The following DLG1 variants were observed in gnomAD, a reference collection of about 807,000 sequenced individuals.
DLG1 encodes the protein discs large MAGUK scaffold protein 1, also known as disks large homolog 1.
In DLG1, 42 loss-of-function variants were observed where a neutral mutation model predicts 123.4. The observed-to-expected ratio is 0.34, with a 90% CI of 0.27 to 0.44. The LOEUF is 0.44. Among genes scored for constraint, DLG1 ranks in the 20% least tolerant of loss-of-function variants. The pLI is 1.00. For synonymous variants in DLG1, 317 were observed against 356.2 expected (o/e 0.89, Z 1.24); for missense variants, 942 against 1,082.6 (o/e 0.87, Z 1.82).
chr3:197,291,459 T>A (rs79335037), intron 3 of DLG1, among the ~76,000 whole-genome samples: 5,612 of 152,252 alleles, frequency 0.037, 166 homozygotes, highest in South Asian at 0.052. Flanking sequence ...TACTAAACAC[T>A]GTTTTCAAAA....
chr3:197,184,265 T>C (rs1042211213), intron 5 of DLG1: 3 of 218,862 alleles, frequency 1.4e-5, no homozygotes, highest in Non-Finnish European at 2.4e-5. Context: ...GATTACCAAG[T>C]TTCAACCACA....
At chr3:197,153,435 A>G (rs1794908854) in intron 5 of DLG1, among the ~76,000 whole-genome samples, 1 of 152,196 alleles carries the variant, frequency 6.6e-6, no homozygotes, top group Non-Finnish European at 1.5e-5. Context: ...CCCACACTCT[A>G]TCCCTCAGTC....
intron 14 of DLG1, among the ~76,000 whole-genome samples, chr3:197,103,445 T>A (rs564419359): frequency 6.6e-6 from 1 of 152,106 alleles, no homozygotes; most frequent in Non-Finnish European, 1.5e-5. Flanking sequence ...TTCCATATAG[T>A]GTACCTACGG....
At chr3:197,158,625 A>C (rs1244310571) in intron 5 of DLG1, among the ~76,000 whole-genome samples, 4 of 98,394 alleles carry the variant, frequency 4.1e-5, no homozygotes, top group Admixed American at 1.3e-4. Context: ...CAAGAGCAAA[A>C]CTCCATTTCA....
intron 1 of DLG1, 117 bp from the exon 2 acceptor site, chr3:197,297,352 C>A: frequency 2.7e-6 from 4 of 1,487,420 alleles, no homozygotes; most frequent in South Asian, 1.3e-5. Flanking sequence ...CAAAGTTTTA[C>A]CAAGTCAAAG....
chr3:197,057,158 T>C (rs1732287543), intron 23 of DLG1, among the ~76,000 whole-genome samples: 1 of 152,068 alleles, frequency 6.6e-6, no homozygotes, highest in Admixed American at 6.6e-5. Flanking sequence ...TCACTACAGC[T>C]TGGACAGAAC....
At chr3:197,210,081 CTTT>C (rs1730543538) in intron 4 of DLG1, among the ~76,000 whole-genome samples, 1 of 146,208 alleles carries the variant, frequency 6.8e-6, no homozygotes, top group Non-Finnish European at 1.5e-5. Context: ...AGTATAATAG[CTTT>C]CAGTGAGTTC....
chr3:197,258,999 G>C (rs1178925789), intron 4 of DLG1, among the ~76,000 whole-genome samples: 1 of 151,974 alleles, frequency 6.6e-6, no homozygotes, highest in Non-Finnish European at 1.5e-5. Context: ...TTTGCTAAAA[G>C]AGTCAATGTA....
chr3:197,141,080 C>A (rs748702543), intron 7 of DLG1, among the ~76,000 whole-genome samples: 1 of 152,314 alleles, frequency 6.6e-6, no homozygotes, highest in East Asian at 1.9e-4. Context: ...AATGTTCTAA[C>A]TGAATTTCAG....
At chr3:197,132,288 A>T in intron 10 of DLG1, among the ~76,000 whole-genome samples, 1 of 101,400 alleles carries the variant, frequency 9.9e-6, no homozygotes. Context: ...CTTCTCTTTG[A>T]TACATTTTTT....
At position 197,259,681 on chromosome 3, in the gene DLG1, T is replaced by TA. The variant is rs1554054448; in HGVS notation, c.318+22997dup. Among the ~76,000 whole-genome samples, 13 of 152,236 alleles carry TA rather than the reference T, an allele frequency of 8.5e-5. No homozygotes were observed. In the South Asian group the frequency reaches 1.4e-3, roughly 17 times the overall value. ...GCTCAAAAATAAAAGAAGCCAAACT[T>TA]AGAGATTAAGTGAAGCATGCTGCAC... On this transcript the variant is annotated intron_variant, in intron 4 of 24. Coordinates refer to ENST00000667157, the MANE Select transcript of DLG1 (RefSeq NM_001366207.1).
At chr3:197,093,917 T>C (rs2149208752) in intron 14 of DLG1, among the ~76,000 whole-genome samples, 1 of 152,270 alleles carries the variant, frequency 6.6e-6, no homozygotes, top group Non-Finnish European at 1.5e-5. Flanking sequence ...TTGGGTCATT[T>C]GTATGCCAAA....
At chr3:197,249,431 T>A (rs1753304879) in intron 4 of DLG1, among the ~76,000 whole-genome samples, 1 of 151,864 alleles carries the variant, frequency 6.6e-6, no homozygotes, top group African/African-American at 2.4e-5. Context: ...AATATTAAAA[T>A]TTTTAAAAAT....
At chr3:197,262,474 G>A (rs1466237683) in intron 4 of DLG1, among the ~76,000 whole-genome samples, 1 of 152,128 alleles carries the variant, frequency 6.6e-6, no homozygotes, top group African/African-American at 2.4e-5. Flanking sequence ...GCATTTCCCT[G>A]AGTTCTGTAA....
At chr3:197,151,939 T>C (rs1794067295) in intron 5 of DLG1, among the ~76,000 whole-genome samples, 1 of 152,180 alleles carries the variant, frequency 6.6e-6, no homozygotes, top group African/African-American at 2.4e-5. Context: ...AGTTCCTCCT[T>C]CTGGAATATC....
chr3:197,240,865 G>A (rs369026885), intron 4 of DLG1, among the ~76,000 whole-genome samples: 1 of 151,646 alleles, frequency 6.6e-6, no homozygotes, highest in Non-Finnish European at 1.5e-5. Context: ...AACACACATA[G>A]GAGAAAAAAG....
intron 6 of DLG1, among the ~76,000 whole-genome samples, chr3:197,145,453 A>T (rs1453719139): frequency 6.6e-6 from 1 of 152,186 alleles, no homozygotes; most frequent in African/African-American, 2.4e-5. Context: ...AAACCTCAAA[A>T]TTTACCAATT....
At chr3:197,164,659 TC>T in intron 5 of DLG1, among the ~76,000 whole-genome samples, 1 of 151,574 alleles carries the variant, frequency 6.6e-6, no homozygotes, top group East Asian at 1.9e-4. Context: ...CCTAGCACTT[TC>T]GGAGGACGCG....
intron 13 of DLG1, among the ~76,000 whole-genome samples, chr3:197,108,654 T>C (rs1463312422): frequency 6.6e-6 from 1 of 152,178 alleles, no homozygotes; most frequent in African/African-American, 2.4e-5. Flanking sequence ...AAGCGTCCTT[T>C]GATATTAGTC....
Sources: allele counts gnomAD v4.1 joint callset (sites outside exome capture counted in the v4.1 genomes callset), GRCh38; gene constraint gnomAD v4.1.1; transcripts MANE v1.5; gene names NCBI Gene and HGNC (gene_info 2026-07-23, HGNC 2026-07-21).